The following ERBB3 variants were observed in gnomAD, a reference collection of about 807,000 sequenced individuals.
The protein encoded by ERBB3 is receptor tyrosine-protein kinase erbB-3.
A neutral mutation model predicts 156.7 loss-of-function variants in ERBB3; 96 were observed. The ratio of observed to expected loss-of-function variants is 0.61; its 90% CI spans 0.52 to 0.73. The LOEUF (loss-of-function observed/expected upper bound fraction) is 0.73, where lower values mean the gene tolerates loss of function less well. ERBB3 is among the 30% of genes least tolerant of loss of function. ERBB3 has a pLI of 0.00. For synonymous variants in ERBB3, 567 were observed against 632.0 expected, an observed-to-expected ratio of 0.90 and a Z score of 1.54; for missense variants, 1,406 against 1,709.4, an observed-to-expected ratio of 0.82 and a Z score of 3.13.
chr12:56,100,023 A>C lies in ERBB3; in HGVS notation c.3123A>C (p.Pro1041=), dbSNP rs1172801212. 1 of 1,614,130 alleles carries C rather than the reference A, an allele frequency of 6.2e-7. No individual in the cohort carries two copies. The highest frequency in any genetic ancestry group is 8.5e-7 in the Non-Finnish European group (1 of 1,180,028). ...LSLPVGTLNR[P]RGSQSLLSPS... ...TACCAGTTGGAACACTTAATCGGCC[A>C]CGTGGGGTAAGACAACTTCTAATTA... Residue 1041 remains proline (P), a synonymous_variant, in exon 25 of 28, where the codon CCA becomes CCC. Transcript: ENST00000267101.
In ERBB3 at chr12:56,098,556, G is replaced by A. The variant is rs774847268; in HGVS notation, c.2673G>A (p.Gln891=). The stretch of plus-strand genomic sequence containing the variant: ...TCCACTTTGGGAAATACACACACCA[G>A]AGTGATGTCTGGAGCTATGGTCAGT... ...ESIHFGKYTH[Q]SDVWSYGVTV... is the part of the protein sequence containing the mutation. The change falls in exon 22 of 28, where the codon CAG becomes CAA. Residue 891 remains glutamine, a synonymous_variant. Transcript: ENST00000267101. The A allele has an allele frequency of 1.2e-5, 19 of 1,613,540 alleles. No homozygotes were observed. In the South Asian group the frequency reaches 2.0e-4, roughly 17 times the overall value.
rs2136819999 is a variant in ERBB3 at position 56,097,848 on chromosome 12, C to T, written c.2524C>T (p.Leu842Phe). The change falls in exon 21 of 28, where the codon CTC becomes TTC. Residue 842 changes from leucine to phenylalanine, a missense_variant. Physicochemically the swap from Leu to Phe is conservative, Grantham distance 22. Transcript: ENST00000267101. ...AAACCTGGCTGCCCGAAACGTGCTA[C>T]TCAAGTCACCCAGTCAGGTTCAGGT... ...HRNLAARNVLLKSPSQVQVAD... is the reference protein window; with the variant it reads ...HRNLAARNVLFKSPSQVQVAD... 6.2e-7 allele frequency: 1 copy of T among 1,614,042 alleles called. No homozygotes were observed. The highest frequency in any genetic ancestry group is 8.5e-7 in the Non-Finnish European group (1 of 1,180,006).
rs1869174573 is a variant in ERBB3 at position 56,102,950 on chromosome 12, G to C, written c.*895G>C. On this transcript the variant is annotated 3_prime_UTR_variant, in exon 28 of 28. Transcript: ENST00000267101. ...AGATAAGCCTATGGAAACATAGCAA[G>C]ACACTGTCTCTACAGGGGAAAAAAA... is the stretch of plus-strand genomic sequence containing the variant. 1 of 221,936 alleles carries C rather than the reference G, an allele frequency of 4.5e-6. No homozygotes were observed. The highest frequency in any genetic ancestry group is 1.9e-4 in the South Asian group (1 of 5,348). The allele number at this position is 221,936 out of a possible 1,614,324, so 13.7% of individuals were successfully genotyped here.
chr12:56,085,760 TCAAAAAAAAAAAAA>T (rs1868459383), intron 3 of ERBB3: 1 of 24,104 alleles, frequency 4.1e-5, no homozygotes, highest in African/African-American at 2.7e-4. Flanking sequence ...AGACTCCGTC[TCAAAAAAAAAAAAA>T]AAAAAAAAAA....
intron 3 of ERBB3, 199 bp downstream of exon 3, chr12:56,085,380 A>G: frequency 1.4e-6 from 2 of 1,450,608 alleles, no homozygotes; most frequent in Non-Finnish European, 1.8e-6. Flanking sequence ...GCTCCAGGGA[A>G]AGGAACCCTG....
chr12:56,084,353 G>A (rs1428971341), intron 2 of ERBB3, among the ~76,000 whole-genome samples: 1 of 152,190 alleles, frequency 6.6e-6, no homozygotes, highest in Non-Finnish European at 1.5e-5. Context: ...GCTCATGCCT[G>A]TAATCCCAGC....
rs150262923 is a variant in ERBB3 at position 56,095,308 on chromosome 12, C to T, written c.1911C>T (p.Ile637=). Residue 637 remains isoleucine (I), a splice_region_variant and synonymous_variant, in exon 16 of 28, where the codon ATC becomes ATT. Coordinates refer to ENST00000267101, the MANE Select transcript of ERBB3 (RefSeq NM_001982.4). ...GTTTAGGACAAACACTGGTGCTGAT[C>T]GGGTATGATGGGGTTGGAGATTCTG... ...QDCLGQTLVL[I]GKTHLTMALT... 94 of 1,612,906 alleles carry T rather than the reference C, an allele frequency of 5.8e-5. No individual in the cohort carries two copies. Among genetic ancestry groups the T allele is most frequent in the East Asian group, 2.7e-4 (12 of 44,882 alleles).
At chr12:56,091,615 G>C (rs548302761) in intron 9 of ERBB3, among the ~76,000 whole-genome samples, 1 of 151,406 alleles carries the variant, frequency 6.6e-6, no homozygotes, top group South Asian at 2.1e-4. Context: ...TGGGATTATA[G>C]GCATGCGCCG....
Position 56,087,565 on chromosome 12 carries a change from C to T in ERBB3, c.548-12C>T. 6.2e-7 allele frequency: 1 copy of T among 1,613,596 alleles called. No individual in the cohort carries two copies. On this transcript the variant is annotated splice_polypyrimidine_tract_variant and intron_variant, in intron 4 of 27. Coordinates refer to ENST00000267101, the MANE Select transcript of ERBB3 (RefSeq NM_001982.4). ...CCTGATGGCCCCTTGTGTTGCCTTCCTTCCCAACCAGGTCCCCCCTGTCAT... is the reference window on the plus strand; with the variant it reads ...CCTGATGGCCCCTTGTGTTGCCTTCTTTCCCAACCAGGTCCCCCCTGTCAT...
intron 3 of ERBB3, among the ~76,000 whole-genome samples, chr12:56,085,960 T>A (rs926410155): frequency 6.7e-6 from 1 of 149,498 alleles, no homozygotes; most frequent in African/African-American, 2.5e-5. Flanking sequence ...TCCGAGCTAC[T>A]CGGGAGGCTG....
chr12:56,099,904 G>T lies in ERBB3; in HGVS notation c.3004G>T (p.Glu1002Ter), dbSNP rs2136825683. Residue 1002 changes from glutamate (E) to a stop codon, truncating the protein, a stop_gained, in exon 25 of 28, where the codon GAA becomes TAA. Transcript: ENST00000267101. LOFTEE classifies it high-confidence loss of function. ...PHGLTNKKLE[E>*]VELEPELDLD... is the part of the protein sequence containing the mutation. ...TGGTCTGACAAACAAGAAGCTAGAG[G>T]AAGTAGAGCTGGAGCCAGAACTAGA... The T allele has an allele frequency of 6.2e-7, 1 of 1,614,226 alleles. No homozygotes were observed. The highest frequency in any genetic ancestry group is 8.5e-7 in the Non-Finnish European group (1 of 1,180,036).
At position 56,093,019 on chromosome 12, in the gene ERBB3, T is replaced by G. The variant is rs770069064; in HGVS notation, c.1217T>G (p.Met406Arg). 14 of 1,614,018 alleles carry G rather than the reference T, an allele frequency of 8.7e-6. No individual in the cohort carries two copies. Among genetic ancestry groups the G allele is most frequent in the Non-Finnish European group, 1.1e-5 (13 of 1,180,006 alleles). Residue 406 changes from methionine (M) to arginine (R), a missense_variant, in exon 11 of 28, where the codon ATG (methionine) becomes AGG (arginine). By Grantham distance (91) the Met-to-Arg change is moderately conservative. Around this residue, in one of 3 missense-constraint regions of ERBB3, gnomAD observed 979 missense variants for 1,219.6 expected, o/e 0.80. Coordinates refer to ENST00000267101, the MANE Select transcript of ERBB3 (RefSeq NM_001982.4). The part of the protein sequence containing the change: ...YLNIQSWPPH[M>R]HNFSVFSNLT... ...AACATCCAGTCCTGGCCGCCCCACATGCACAACTTCAGTGTTTTTTCCAAT... is the reference window on the plus strand; with the variant it reads ...AACATCCAGTCCTGGCCGCCCCACAGGCACAACTTCAGTGTTTTTTCCAAT...
chr12:56,082,733 AC>A (rs1242296352), intron 1 of ERBB3, among the ~76,000 whole-genome samples: 1 of 152,160 alleles, frequency 6.6e-6, no homozygotes, highest in Non-Finnish European at 1.5e-5. Flanking sequence ...GTTGTCCACC[AC>A]ATTTGCAAAG....
Position 56,094,565 on chromosome 12 carries a change from T to C in ERBB3, c.1859+9T>C. ...GAGAACTGCACCCAGGGGTCAGTGA[T>C]GGGATAATAAGGAGAGGGGGTCAGG... is the stretch of plus-strand genomic sequence containing the variant. On this transcript the variant is annotated intron_variant, in intron 15 of 27. Coordinates refer to ENST00000267101, the MANE Select transcript of ERBB3 (RefSeq NM_001982.4). 1 of 1,613,356 alleles carries C rather than the reference T, an allele frequency of 6.2e-7. No individual in the cohort carries two copies. Among genetic ancestry groups the C allele is most frequent in the Non-Finnish European group, 8.5e-7 (1 of 1,179,898 alleles).
intron 3 of ERBB3, 115 bp downstream of exon 3, chr12:56,085,296 C>T: frequency 6.3e-7 from 1 of 1,589,702 alleles, no homozygotes; most frequent in Non-Finnish European, 8.6e-7. Context: ...GTGCCTGTCA[C>T]CTTGGCCGCT....
At chr12:56,090,517 G>A (rs111753949) in intron 9 of ERBB3, among the ~76,000 whole-genome samples, 3,007 of 152,078 alleles carry the variant, frequency 0.02, 101 homozygotes, top group African/African-American at 0.069. Flanking sequence ...GGTGGTGTGC[G>A]CCTGTAGTCC....
In ERBB3 at chr12:56,096,563, G is replaced by A. The variant is rs371866354; in HGVS notation, c.2116G>A (p.Glu706Lys). The A allele has an allele frequency of 3.7e-6, 6 of 1,614,090 alleles. No individual in the cohort carries two copies. The African/African-American group carries it at 4.0e-5, about 11-fold the overall frequency. ...ANKVLARIFK[E>K]TELRKLKVLG... ...CAAAGTCTTGGCCAGAATCTTCAAAGAGACAGAGCTAAGGAAGCTTAAAGT... is the reference window on the plus strand; with the variant it reads ...CAAAGTCTTGGCCAGAATCTTCAAAAAGACAGAGCTAAGGAAGCTTAAAGT... The change falls in exon 18 of 28, where the codon GAG (glutamate) becomes AAG (lysine). Residue 706 changes from glutamate to lysine, a missense_variant. Glu to Lys is a moderately conservative substitution (Grantham distance 56, BLOSUM62 1). Around this residue, in one of 3 missense-constraint regions of ERBB3, gnomAD observed 979 missense variants for 1,219.6 expected, o/e 0.80. Coordinates refer to ENST00000267101, the MANE Select transcript of ERBB3 (RefSeq NM_001982.4).
chr12:56,080,159 C>A, upstream of ERBB3: 2 of 707,096 alleles, frequency 2.8e-6, no homozygotes, highest in South Asian at 3.0e-5. Flanking sequence ...GGCTCCGGCT[C>A]CGATTGCAAT....
At chr12:56,090,169 T>C (rs1056701461) in intron 9 of ERBB3, among the ~76,000 whole-genome samples, 1 of 151,844 alleles carries the variant, frequency 6.6e-6, no homozygotes, top group African/African-American at 2.4e-5. Context: ...CCGGCTAATT[T>C]TTGTATTTTT....
Sources: allele counts gnomAD v4.1 joint callset (sites outside exome capture counted in the v4.1 genomes callset), GRCh38; gene constraint gnomAD v4.1.1; regional missense constraint gnomAD v4.1.1; transcripts MANE v1.5; gene names NCBI Gene and HGNC (gene_info 2026-07-23, HGNC 2026-07-21).